Variants in LEMD1 observed in about 807,000 individuals in gnomAD.
The protein encoded by LEMD1 is LEM domain containing 1.
LEMD1 carries 18 observed loss-of-function variants against 17.4 expected under a neutral mutation model. That is an observed-to-expected ratio of 1.04 (90% CI 0.72 to 1.54). LEMD1 has a LOEUF of 1.54. Ranked by LOEUF, LEMD1 falls within the 40% of genes most tolerant of loss-of-function variation. LEMD1 has a pLI of 0.00. For missense variants in LEMD1, 195 were observed against 210.4 expected (o/e 0.93, Z 0.45); for synonymous variants, 88 against 77.8 (o/e 1.13, Z -0.69).
At chr1:205,385,473 G>A (rs1435157809) in intron 4 of LEMD1, 1 of 152,318 alleles carries the variant, frequency 6.6e-6, no homozygotes, top group Non-Finnish European at 1.5e-5. Context: ...AAAGTGCTGG[G>A]ATTACAGGTG....
At chr1:205,419,477 T>C (rs549651619) in intron 2 of LEMD1, 125 bp from the exon 3 acceptor site, 1 of 1,118,966 alleles carries the variant, frequency 8.9e-7, no homozygotes, top group Non-Finnish European at 1.3e-6. Context: ...AATTATGGCT[T>C]TTATTTGAGA....
intron 4 of LEMD1, among the ~76,000 whole-genome samples, chr1:205,411,548 T>A (rs1574980918): frequency 8.5e-6 from 1 of 118,108 alleles, no homozygotes; most frequent in African/African-American, 3.4e-5. Flanking sequence ...AGAGTGAGAC[T>A]CCGTCTCAAA....
intron 4 of LEMD1, among the ~76,000 whole-genome samples, chr1:205,415,466 CAG>C (rs10572185): frequency 0.56 from 85,109 of 151,768 alleles, 27,425 homozygotes; most frequent in East Asian, 0.89. Context: ...AGAATAGAAA[CAG>C]AGATACAGAA....
At chr1:205,384,256 C>A in intron 5 of LEMD1, 32 bp downstream of exon 5, 1 of 1,289,348 alleles carries the variant, frequency 7.8e-7, no homozygotes, top group South Asian at 1.6e-5. Context: ...ACAATAATAT[C>A]AATTTCCACA....
intron 5 of LEMD1, among the ~76,000 whole-genome samples, chr1:205,382,451 C>T (rs1574932337): frequency 1.3e-5 from 2 of 151,886 alleles, no homozygotes; most frequent in Admixed American, 6.6e-5. Context: ...TTTGTAGAGA[C>T]GAGGGCTCAC....
At chr1:205,391,045 C>T (rs934516974) in intron 4 of LEMD1, among the ~76,000 whole-genome samples, 1 of 151,890 alleles carries the variant, frequency 6.6e-6, no homozygotes, top group Non-Finnish European at 1.5e-5. Flanking sequence ...AACAAACCTG[C>T]GCAAGTACCC....
Position 205,420,578 on chromosome 1 carries a change from G to C in LEMD1, c.-38-4C>G, listed in dbSNP as rs559472976. 1.4e-5 allele frequency: 20 copies of C among 1,415,474 alleles called. No individual in the cohort carries two copies. The Admixed American group carries it at 2.2e-4, about 15-fold the overall frequency. 87.7% of individuals were successfully genotyped at this position (1,415,474 alleles called of 1,614,324 possible). ...CCTCTTTTCTGATGGTAGAATCCTT[G>C]AAATAACAAAACATTAAATTCATTA... On this transcript the variant is annotated splice_region_variant and splice_polypyrimidine_tract_variant and intron_variant, in intron 1 of 5. Transcript: ENST00000367153.
chr1:205,422,360 C>T (rs145641705), upstream of LEMD1, among the ~76,000 whole-genome samples: 67 of 152,280 alleles, frequency 4.4e-4, no homozygotes, highest in African/African-American at 1.6e-3. Flanking sequence ...ACTGTCTAGA[C>T]CACCCATCAA....
At chr1:205,402,082 A>G (rs1416970751) in intron 4 of LEMD1, among the ~76,000 whole-genome samples, 1 of 152,178 alleles carries the variant, frequency 6.6e-6, no homozygotes, top group African/African-American at 2.4e-5. Flanking sequence ...TGGTACCAGT[A>G]TCATGCTGTT....
intron 1 of LEMD1, 96 bp from the exon 2 acceptor site, chr1:205,420,670 C>T (rs1665921627): frequency 4.3e-6 from 3 of 689,780 alleles, no homozygotes; most frequent in African/African-American, 1.8e-5. Context: ...CCTATCTCCC[C>T]AACCTCCTAG....
upstream of LEMD1, among the ~76,000 whole-genome samples, chr1:205,425,407 C>T (rs918453350): frequency 1.7e-4 from 26 of 152,156 alleles, no homozygotes; most frequent in Non-Finnish European, 1.5e-4. Flanking sequence ...AGGGAAGCAG[C>T]TCAGGCTTAA....
At chr1:205,409,946 T>C (rs1665310038) in intron 4 of LEMD1, among the ~76,000 whole-genome samples, 1 of 151,912 alleles carries the variant, frequency 6.6e-6, no homozygotes, top group South Asian at 2.1e-4. Flanking sequence ...CTAATTTTTT[T>C]GTATTTTTAG....
At chr1:205,409,892 C>T (rs1340834876) in intron 4 of LEMD1, among the ~76,000 whole-genome samples, 2 of 152,128 alleles carry the variant, frequency 1.3e-5, no homozygotes, top group South Asian at 4.2e-4. Context: ...CCTGCCTCAG[C>T]CTCTGGAGTA....
Position 205,427,298 on chromosome 1 carries a change from T to G in LEMD1, c.-38-6724A>C, listed in dbSNP as rs535375693. On this transcript the variant is annotated intron_variant, in intron 1 of 3. Transcript: ENST00000367154. ...GTGAACTGTGAGTAAGGCCTCAGTA[T>G]GACAACATGGCTCTGGGGTCCTGCA... Among the ~76,000 whole-genome samples, 18 of 152,086 alleles carry G rather than the reference T, an allele frequency of 1.2e-4. No homozygotes were observed. The South Asian group carries it at 3.8e-3, about 32-fold the overall frequency.
Position 205,435,978 on chromosome 1 carries a change from C to T in LEMD1, c.-39+13890G>A, listed in dbSNP as rs1393705178. Reference sequence around the variant, plus strand: ...GTTAAAGGATGAGGGCAGAAACCAGCCTGGCCTCTCTGGAACAGAGAAAGT... The same window carrying T: ...GTTAAAGGATGAGGGCAGAAACCAGTCTGGCCTCTCTGGAACAGAGAAAGT... On this transcript the variant is annotated intron_variant, in intron 1 of 3. Transcript: ENST00000367154. 3 of 152,344 alleles carry T rather than the reference C, an allele frequency of 2.0e-5. No homozygotes were observed. The South Asian group carries it at 6.2e-4, about 32-fold the overall frequency. The allele number at this position is 152,344 out of a possible 1,614,324, so 9.4% of individuals were successfully genotyped here. A position where few individuals can be genotyped will look rare whatever the true frequency, so the allele number is the denominator to read the frequency against.
intron 1 of LEMD1, among the ~76,000 whole-genome samples, chr1:205,428,657 C>A (rs1439167498): frequency 6.6e-6 from 1 of 152,010 alleles, no homozygotes; most frequent in Non-Finnish European, 1.5e-5. Flanking sequence ...CAGGGAGGAC[C>A]ATGTGTGTGT....
At chr1:205,413,324 G>A (rs1409092913) in intron 4 of LEMD1, among the ~76,000 whole-genome samples, 1 of 151,980 alleles carries the variant, frequency 6.6e-6, no homozygotes, top group East Asian at 1.9e-4. Flanking sequence ...GTCTCGCTCT[G>A]TCACCCAGGC....
intron 4 of LEMD1, among the ~76,000 whole-genome samples, chr1:205,388,782 A>C (rs1370567600): frequency 2.6e-5 from 4 of 152,206 alleles, no homozygotes; most frequent in African/African-American, 9.7e-5. Flanking sequence ...ATTTTTAGTC[A>C]ATAGTTCCAT....
chr1:205,404,741 A>G (rs1665009523), intron 4 of LEMD1, among the ~76,000 whole-genome samples: 1 of 151,452 alleles, frequency 6.6e-6, no homozygotes, highest in South Asian at 2.1e-4. Context: ...TGATCCTGTC[A>G]TTATGATGCT....
Sources: gnomAD v4.1 joint callset for allele counts (sites outside exome capture counted in the v4.1 genomes callset) on GRCh38, gnomAD v4.1.1 for gene constraint, MANE v1.5 for transcripts, NCBI Gene and HGNC (gene_info 2026-07-23, HGNC 2026-07-21) for gene names.